Variants in ELP4 observed in about 807,000 individuals in gnomAD.
ELP4 encodes elongator complex protein 4.
In ELP4, 51 loss-of-function variants were observed where a neutral mutation model predicts 48.9. That is an observed-to-expected ratio of 1.04 (90% CI 0.83 to 1.32). The LOEUF is 1.32. ELP4 is among the 40% of genes most tolerant of loss of function. ELP4 has a pLI of 0.00. For synonymous variants in ELP4, 210 were observed against 189.2 expected (o/e 1.11, Z -0.90); for missense variants, 519 against 514.6 (o/e 1.01, Z -0.08).
At chr11:31,601,909 T>C (rs1173477022) in intron 4 of ELP4, among the ~76,000 whole-genome samples, 1 of 152,038 alleles carries the variant, frequency 6.6e-6, no homozygotes, top group East Asian at 1.9e-4. Flanking sequence ...AGCCAAATCC[T>C]AGTCTCCACC....
chr11:31,722,847 A>G (rs1946997734), intron 9 of ELP4, among the ~76,000 whole-genome samples: 1 of 152,142 alleles, frequency 6.6e-6, no homozygotes, highest in Admixed American at 6.5e-5. Flanking sequence ...TCACCCCACA[A>G]CTTGGGACAC....
intron 7 of ELP4, among the ~76,000 whole-genome samples, chr11:31,640,478 G>C (rs1469532665): frequency 6.6e-6 from 1 of 151,894 alleles, no homozygotes; most frequent in Non-Finnish European, 1.5e-5. Context: ...TACCACGTCA[G>C]ATATTATGTC....
At chr11:31,739,407 G>T (rs1392309777) in intron 9 of ELP4, among the ~76,000 whole-genome samples, 1 of 152,084 alleles carries the variant, frequency 6.6e-6, no homozygotes, top group Non-Finnish European at 1.5e-5. Context: ...GATTTGTTCT[G>T]TCTTAGGGCT....
intron 9 of ELP4, among the ~76,000 whole-genome samples, chr11:31,722,908 C>T (rs79213597): frequency 0.024 from 3,632 of 152,296 alleles, 113 homozygotes; most frequent in African/African-American, 0.074. Flanking sequence ...ACTGAGCTGA[C>T]GGGCTGTGGT....
At chr11:31,630,475 C>T (rs559843561) in intron 6 of ELP4, among the ~76,000 whole-genome samples, 15 of 151,722 alleles carry the variant, frequency 9.9e-5, no homozygotes, top group Admixed American at 5.9e-4. Flanking sequence ...ACTACAGGTG[C>T]GCACCACCAC....
intron 9 of ELP4, among the ~76,000 whole-genome samples, chr11:31,764,482 C>T (rs988358621): frequency 1.3e-5 from 2 of 152,184 alleles, no homozygotes; most frequent in African/African-American, 4.8e-5. Context: ...AGGGAGCACT[C>T]ACAATAAGGC....
chr11:31,687,488 A>G (rs1196784254), intron 9 of ELP4, among the ~76,000 whole-genome samples: 1 of 152,232 alleles, frequency 6.6e-6, no homozygotes. Flanking sequence ...GTATTTGGCA[A>G]TATGAGGCTC....
At chr11:31,548,148 A>G (rs1195849909) in intron 3 of ELP4, among the ~76,000 whole-genome samples, 1 of 152,216 alleles carries the variant, frequency 6.6e-6, no homozygotes, top group Non-Finnish European at 1.5e-5. Context: ...GCAATTAGGC[A>G]GGAGAAGGAA....
chr11:31,776,376 G>T (rs534373498), intron 9 of ELP4, among the ~76,000 whole-genome samples: 2 of 152,274 alleles, frequency 1.3e-5, no homozygotes, highest in South Asian at 4.2e-4. Context: ...TAGCACTTCT[G>T]CTCCAGATGA....
In ELP4 at chr11:31,788,568, G is replaced by C. The variant is rs1442921922; in HGVS notation, c.*5044G>C. ...AGTGAAATCATTGTTGAAATAGGCT[G>C]ACAATGGAAATCTGCCCAGATTGAA... is the stretch of plus-strand genomic sequence containing the variant. On this transcript the variant is annotated 3_prime_UTR_variant, in exon 10 of 10. Coordinates refer to ENST00000640961, the MANE Select transcript of ELP4 (RefSeq NM_019040.5). 1 of 222,422 alleles carries C rather than the reference G, an allele frequency of 4.5e-6. No individual in the cohort carries two copies. Among genetic ancestry groups the C allele is most frequent in the Non-Finnish European group, 9.0e-6 (1 of 111,306 alleles). The allele number at this position is 222,422 out of a possible 1,614,324, so 13.8% of individuals were successfully genotyped here. A position where few individuals can be genotyped will look rare whatever the true frequency, so the allele number is the denominator to read the frequency against.
intron 9 of ELP4, among the ~76,000 whole-genome samples, chr11:31,706,158 C>T (rs1484196868): frequency 6.6e-6 from 1 of 151,948 alleles, no homozygotes; most frequent in Non-Finnish European, 1.5e-5. Context: ...ATTCATAGGG[C>T]ACATAGTAAT....
intron 9 of ELP4, among the ~76,000 whole-genome samples, chr11:31,684,897 G>T (rs113704980): frequency 2.0e-5 from 3 of 152,084 alleles, no homozygotes; most frequent in Non-Finnish European, 4.4e-5. Flanking sequence ...AGGAGCTGAG[G>T]GTACTTTCAA....
chr11:31,561,861 T>A (rs1346302457), intron 3 of ELP4, among the ~76,000 whole-genome samples: 1 of 152,240 alleles, frequency 6.6e-6, no homozygotes, highest in Admixed American at 6.5e-5. Flanking sequence ...TAATACATAC[T>A]ACATGCAGGG....
chr11:31,698,703 T>G (rs1592234350), intron 9 of ELP4, among the ~76,000 whole-genome samples: 1 of 152,106 alleles, frequency 6.6e-6, no homozygotes, highest in African/African-American at 2.4e-5. Context: ...ATGAGCACCA[T>G]GCCTGACCTG....
intron 5 of ELP4, among the ~76,000 whole-genome samples, chr11:31,613,313 C>T (rs1256148042): frequency 6.6e-6 from 1 of 152,050 alleles, no homozygotes; most frequent in Non-Finnish European, 1.5e-5. Flanking sequence ...AATTTAGCTT[C>T]CAAAAACCTA....
intron 9 of ELP4, among the ~76,000 whole-genome samples, chr11:31,772,677 T>G (rs1948171292): frequency 6.6e-6 from 1 of 152,224 alleles, no homozygotes; most frequent in Non-Finnish European, 1.5e-5. Context: ...TCTTTTCCCA[T>G]TGTTTCAGAC....
chr11:31,538,597 G>A (rs1956542526), intron 2 of ELP4, among the ~76,000 whole-genome samples: 1 of 150,906 alleles, frequency 6.6e-6, no homozygotes, highest in Non-Finnish European at 1.5e-5. Flanking sequence ...ATACCTATAG[G>A]TTTTTTGTAG....
chr11:31,743,909 A>G (rs1479354751), intron 9 of ELP4, among the ~76,000 whole-genome samples: 5 of 152,190 alleles, frequency 3.3e-5, no homozygotes, highest in Non-Finnish European at 5.9e-5. Flanking sequence ...AACTGAAGGA[A>G]ATAGAGACAC....
chr11:31,544,247 C>G (rs1956649649), intron 3 of ELP4, among the ~76,000 whole-genome samples: 2 of 152,218 alleles, frequency 1.3e-5, no homozygotes, highest in Admixed American at 1.3e-4. Flanking sequence ...CTTTCCTAGT[C>G]AAAGAAAGGG....
Sources: gnomAD v4.1 joint callset for allele counts (sites outside exome capture counted in the v4.1 genomes callset) on GRCh38, gnomAD v4.1.1 for gene constraint, MANE v1.5 for transcripts, NCBI Gene and HGNC (gene_info 2026-07-23, HGNC 2026-07-21) for gene names.